The following ANO3 variants were observed in gnomAD, a reference collection of about 807,000 sequenced individuals.
ANO3 encodes anoctamin-3.
ANO3 carries 99 observed loss-of-function variants against 144.8 expected under a neutral mutation model. The observed-to-expected ratio is 0.68, with a 90% CI of 0.58 to 0.81. ANO3 has a LOEUF of 0.81. Among genes scored for constraint, ANO3 ranks in the 30% least tolerant of loss-of-function variants. The pLI is 0.00. For synonymous variants in ANO3, 414 were observed against 392.6 expected, an observed-to-expected ratio of 1.05 and a Z score of -0.64; for missense variants, 905 against 1,202.2, an observed-to-expected ratio of 0.75 and a Z score of 3.66.
rs114868560 is a variant in ANO3, at chr11:26,622,061, G to C, written c.1837-2401G>C. ...TCATTATTTATTTTTGTAGTCTGTAGTTTGAGATTTAACAATTCATTCTGC... is the reference window on the plus strand; with the variant it reads ...TCATTATTTATTTTTGTAGTCTGTACTTTGAGATTTAACAATTCATTCTGC... On this transcript the variant is annotated intron_variant, in intron 17 of 26. Coordinates refer to ENST00000256737, the MANE Select transcript of ANO3 (RefSeq NM_031418.4). Among the ~76,000 whole-genome samples, 1,457 of 152,262 alleles carry C rather than the reference G, an allele frequency of 9.6e-3. 20 individuals carry two copies. The highest frequency in any genetic ancestry group is 0.033 in the African/African-American group (1,388 of 41,546).
chr11:26,201,998 T>C (rs1329832097), intron 1 of ANO3, among the ~76,000 whole-genome samples: 1 of 151,236 alleles, frequency 6.6e-6, no homozygotes, highest in Non-Finnish European at 1.5e-5. Flanking sequence ...ATCTGTTACT[T>C]ATTTATTCAT....
chr11:26,415,559 A>AT lies in ANO3; in HGVS notation c.47-26351dup, dbSNP rs555313033. Among the ~76,000 whole-genome samples, 59 of 151,950 alleles carry AT rather than the reference A, an allele frequency of 3.9e-4. No individual in the cohort carries two copies. The South Asian group carries it at 9.8e-3, about 25-fold the overall frequency. On this transcript the variant is annotated intron_variant, in intron 1 of 26. Transcript: ENST00000256737. ...CTTTTGAATCTAGGCTTGATTTTGC[A>AT]TTTTTTTTGTTTCATCTTTCCTATT...
intron 1 of ANO3, among the ~76,000 whole-genome samples, chr11:26,290,563 C>T (rs571831056): frequency 1.1e-3 from 173 of 152,294 alleles, no homozygotes; most frequent in African/African-American, 4.1e-3. Context: ...ATAAATTTCC[C>T]TCTACCAACT....
upstream of ANO3, among the ~76,000 whole-genome samples, chr11:26,330,799 G>T (rs185857590): frequency 1.3e-5 from 2 of 152,240 alleles, no homozygotes; most frequent in East Asian, 3.9e-4. Flanking sequence ...CACCACAGAT[G>T]AATCAAACAG....
chr11:26,390,785 G>A (rs1856855281), intron 1 of ANO3, among the ~76,000 whole-genome samples: 1 of 152,044 alleles, frequency 6.6e-6, no homozygotes, highest in Non-Finnish European at 1.5e-5. Context: ...CAAGACTTGT[G>A]GGAAGTACAA....
chr11:26,506,885 T>C (rs766250589), intron 4 of ANO3, among the ~76,000 whole-genome samples: 11 of 152,188 alleles, frequency 7.2e-5, no homozygotes, highest in Non-Finnish European at 8.8e-5. Flanking sequence ...TGGAGCTGCC[T>C]ATCTGCCCCA....
rs146728847 is a variant in ANO3 at position 26,369,450 on chromosome 11, T to G, written c.46+37129T>G. Among the ~76,000 whole-genome samples the G allele has an allele frequency of 9.0e-3, 1,368 of 152,226 alleles. 13 individuals are homozygous for G. Among genetic ancestry groups the G allele is most frequent in the African/African-American group, 0.03 (1,262 of 41,544 alleles). ...ATCCTTTTCCTACCATTTCTCCTTT[T>G]CAAAATTTGTTTCAATATGAGAGAT... On this transcript the variant is annotated intron_variant, in intron 1 of 26. Transcript: ENST00000256737.
chr11:26,529,201 TATA>T (rs1565081938), intron 7 of ANO3, among the ~76,000 whole-genome samples: 20 of 938 alleles, frequency 0.021, 8 homozygotes, highest in East Asian at 1. Context: ...TATATAATTA[TATA>T]ATATATATTA....
At chr11:26,429,310 G>A (rs926046966) in intron 1 of ANO3, among the ~76,000 whole-genome samples, 2 of 152,090 alleles carry the variant, frequency 1.3e-5, no homozygotes, top group Non-Finnish European at 2.9e-5. Flanking sequence ...TTCCTATGGT[G>A]TCTTTAGATG....
chr11:26,370,798 C>T (rs1279688744), intron 1 of ANO3, among the ~76,000 whole-genome samples: 2 of 152,078 alleles, frequency 1.3e-5, no homozygotes, highest in Admixed American at 1.3e-4. Flanking sequence ...AGCATTTTGC[C>T]CCTGCCTAGA....
intron 1 of ANO3, among the ~76,000 whole-genome samples, chr11:26,223,550 T>C (rs1852192912): frequency 6.7e-6 from 1 of 149,196 alleles, no homozygotes; most frequent in African/African-American, 2.5e-5. Flanking sequence ...CTTATAGCAA[T>C]GCCTCACTCC....
At chr11:26,462,228 A>G (rs1331611389) in intron 3 of ANO3, among the ~76,000 whole-genome samples, 1 of 151,994 alleles carries the variant, frequency 6.6e-6, no homozygotes, top group Non-Finnish European at 1.5e-5. Flanking sequence ...ATCTAATCAA[A>G]TAACTCTAAG....
At position 26,583,732 on chromosome 11, in the gene ANO3, A is replaced by G. The variant is rs571349752; in HGVS notation, c.1448-14633A>G. ...CTACCTCATGTGTAGTGGTGTTGCA[A>G]TAGTGCATTGGGAAAGCACATTATG... is the stretch of plus-strand genomic sequence containing the variant. On this transcript the variant is annotated intron_variant, in intron 14 of 26. Transcript: ENST00000256737. Among the ~76,000 whole-genome samples, 19 of 152,336 alleles carry G rather than the reference A, an allele frequency of 1.2e-4. 1 individual carries two copies. The South Asian group carries it at 3.1e-3, about 25-fold the overall frequency.
intron 22 of ANO3, 124 bp downstream of exon 22, chr11:26,642,153 G>A (rs1490606183): frequency 1.3e-5 from 13 of 1,012,012 alleles, no homozygotes; most frequent in South Asian, 6.8e-5. Flanking sequence ...TCTAAAACAC[G>A]TCTGCACCTT....
chr11:26,459,528 C>A (rs1472214385), intron 3 of ANO3, among the ~76,000 whole-genome samples: 1 of 151,802 alleles, frequency 6.6e-6, no homozygotes, highest in Admixed American at 6.6e-5. Flanking sequence ...ATGTGTCAGA[C>A]CCTATTCTAG....
intron 20 of ANO3, among the ~76,000 whole-genome samples, chr11:26,637,694 A>C (rs993227937): frequency 6.6e-6 from 1 of 152,220 alleles, no homozygotes; most frequent in African/African-American, 2.4e-5. Context: ...TGCAGTAAGC[A>C]TGACCATTTG....
chr11:26,536,337 A>AG (rs1156402954), intron 9 of ANO3, among the ~76,000 whole-genome samples: 3 of 151,606 alleles, frequency 2.0e-5, no homozygotes, highest in Non-Finnish European at 4.4e-5. Flanking sequence ...AAAAAAAGAA[A>AG]GAAACTGAAA....
At chr11:26,341,677 C>T (rs117627059) in intron 1 of ANO3, among the ~76,000 whole-genome samples, 5 of 152,086 alleles carry the variant, frequency 3.3e-5, no homozygotes, top group African/African-American at 1.2e-4. Flanking sequence ...CATGATAGGC[C>T]GTCTGCAAGT....
chr11:26,553,127 T>C, intron 12 of ANO3, 122 bp from the exon 13 acceptor site: 1 of 727,232 alleles, frequency 1.4e-6, no homozygotes, highest in Non-Finnish European at 2.4e-6. Context: ...CTATTCCCAT[T>C]TCTTCTCCTT....
Sources: allele counts gnomAD v4.1 joint callset (sites outside exome capture counted in the v4.1 genomes callset), GRCh38; gene constraint gnomAD v4.1.1; transcripts MANE v1.5; gene names NCBI Gene and HGNC (gene_info 2026-07-23, HGNC 2026-07-21).